EPHA6: variants seen among roughly 807,000 people sequenced by gnomAD.
The protein encoded by EPHA6 is ephrin type-A receptor 6.
A neutral mutation model predicts 112.0 loss-of-function variants in EPHA6; 50 were observed. The observed-to-expected ratio is 0.45, with a 90% confidence interval of 0.36 to 0.56. The LOEUF is 0.56. Ranked by LOEUF, EPHA6 falls within the 20% of genes least tolerant of loss-of-function variation. The pLI, the probability that EPHA6 is intolerant of heterozygous loss-of-function variation, is 0.00. For synonymous variants in EPHA6, 529 were observed against 490.7 expected (o/e 1.08, Z -1.03); for missense variants, 1,280 against 1,417.4 (o/e 0.90, Z 1.56).
chr3:97,541,368 A>T (rs1261588949), intron 11 of EPHA6, among the ~76,000 whole-genome samples: 1 of 152,186 alleles, frequency 6.6e-6, no homozygotes, highest in Non-Finnish European at 1.5e-5. Context: ...TTGCATAATC[A>T]TAAGATTATT....
intron 3 of EPHA6, among the ~76,000 whole-genome samples, chr3:97,125,777 A>G (rs2048166514): frequency 2.0e-5 from 3 of 152,228 alleles, no homozygotes; most frequent in African/African-American, 7.2e-5. Context: ...CAGGTTGCTG[A>G]CTAAATAGCC....
At chr3:97,438,412 G>A (rs1346488250) in intron 6 of EPHA6, among the ~76,000 whole-genome samples, 2 of 152,158 alleles carry the variant, frequency 1.3e-5, no homozygotes, top group Non-Finnish European at 2.9e-5. Context: ...CATTTAGGTT[G>A]TAGAAGCACT....
At chr3:96,850,898 A>G (rs1454610822) in intron 1 of EPHA6, among the ~76,000 whole-genome samples, 1 of 152,154 alleles carries the variant, frequency 6.6e-6, no homozygotes, top group Non-Finnish European at 1.5e-5. Flanking sequence ...TTACATAAAA[A>G]TATACATAAA....
At chr3:97,741,024 A>C (rs1267657701) in intron 16 of EPHA6, among the ~76,000 whole-genome samples, 3 of 152,110 alleles carry the variant, frequency 2.0e-5, no homozygotes, top group African/African-American at 7.2e-5. Context: ...AAGATGGATC[A>C]GGAGATTTGA....
intron 5 of EPHA6, among the ~76,000 whole-genome samples, chr3:97,371,085 AC>A (rs2085024544): frequency 2.1e-5 from 1 of 47,546 alleles, no homozygotes; most frequent in Admixed American, 3.0e-4. Context: ...AAGAAGATCC[AC>A]TTTTTTTTTT....
At chr3:96,825,480 C>T (rs192507307) in intron 1 of EPHA6, among the ~76,000 whole-genome samples, 19 of 151,884 alleles carry the variant, frequency 1.3e-4, no homozygotes, top group Admixed American at 9.9e-4. Context: ...CCTATAGTTA[C>T]TTGTCATCCC....
At chr3:97,719,179 T>G (rs141075282) in intron 14 of EPHA6, among the ~76,000 whole-genome samples, 2 of 147,498 alleles carry the variant, frequency 1.4e-5, no homozygotes, top group East Asian at 4.1e-4. Context: ...TTAAATTCCT[T>G]AAGGGCCAAA....
At chr3:97,586,995 C>T (rs1373123128) in intron 11 of EPHA6, among the ~76,000 whole-genome samples, 1 of 152,176 alleles carries the variant, frequency 6.6e-6, no homozygotes. Flanking sequence ...GCAATCCCAG[C>T]ACTTTGGAAA....
At position 97,664,598 on chromosome 3, in the gene EPHA6, A is replaced by C. The variant is rs374517051; in HGVS notation, c.2784+26516A>C. ...CATTGTCTCAGCCCAAAATCTCCTT[A>C]AGCTGATAAGCAACTTGAGCAAATT... On this transcript the variant is annotated intron_variant, in intron 14 of 17. Coordinates refer to ENST00000389672, the MANE Select transcript of EPHA6 (RefSeq NM_001080448.3). Among the ~76,000 whole-genome samples, 23 of 152,316 alleles carry C rather than the reference A, an allele frequency of 1.5e-4. No individual in the cohort carries two copies. In the South Asian group the frequency reaches 2.7e-3, roughly 18 times the overall value.
intron 11 of EPHA6, among the ~76,000 whole-genome samples, chr3:97,583,196 A>G (rs745571710): frequency 2.6e-5 from 4 of 151,940 alleles, no homozygotes; most frequent in Non-Finnish European, 4.4e-5. Context: ...CTGCTTAACA[A>G]CGCCTTAGCT....
intron 5 of EPHA6, among the ~76,000 whole-genome samples, chr3:97,366,995 T>C (rs1214322039): frequency 1.4e-4 from 21 of 152,244 alleles, no homozygotes. Flanking sequence ...GGAGGAGATA[T>C]TACCATCCTC....
intron 5 of EPHA6, among the ~76,000 whole-genome samples, chr3:97,379,404 ATCTT>A (rs1434539660): frequency 6.6e-6 from 1 of 151,778 alleles, no homozygotes; most frequent in Non-Finnish European, 1.5e-5. Flanking sequence ...ACCTCTGAAA[ATCTT>A]TTTTTTTTCT....
intron 2 of EPHA6, among the ~76,000 whole-genome samples, chr3:96,918,485 T>C (rs1301599505): frequency 2.0e-5 from 3 of 152,092 alleles, no homozygotes; most frequent in African/African-American, 7.2e-5. Context: ...TCCTTGACCA[T>C]TCAGTGATGG....
At chr3:96,879,168 G>A (rs2037154396) in intron 2 of EPHA6, among the ~76,000 whole-genome samples, 1 of 151,956 alleles carries the variant, frequency 6.6e-6, no homozygotes, top group South Asian at 2.1e-4. Flanking sequence ...AACTATGAAT[G>A]TTACTGTATT....
intron 2 of EPHA6, among the ~76,000 whole-genome samples, chr3:96,985,104 A>G (rs997003841): frequency 2.6e-5 from 4 of 152,102 alleles, no homozygotes; most frequent in African/African-American, 9.7e-5. Context: ...CCGGTACCTC[A>G]GTTGGAAATG....
chr3:97,596,201 G>A (rs2093589560), intron 12 of EPHA6, among the ~76,000 whole-genome samples: 3 of 152,046 alleles, frequency 2.0e-5, no homozygotes, highest in South Asian at 2.1e-4. Flanking sequence ...CACCGCGCCC[G>A]GCCATATCAG....
At chr3:97,468,381 C>T (rs1028195305) in intron 7 of EPHA6, among the ~76,000 whole-genome samples, 1 of 151,256 alleles carries the variant, frequency 6.6e-6, no homozygotes, top group South Asian at 2.1e-4. Flanking sequence ...ACTATATTTA[C>T]TTTTTTTCAA....
chr3:97,009,986 T>G, intron 3 of EPHA6: 2 of 394,430 alleles, frequency 5.1e-6, no homozygotes, highest in Non-Finnish European at 8.2e-6. Context: ...CTTATCATTG[T>G]TTTTTTTTTT....
Position 97,244,199 on chromosome 3 carries a change from C to T in EPHA6, c.1518C>T (p.Thr506=), listed in dbSNP as rs1366774853. The T allele has an allele frequency of 6.2e-7, 1 of 1,613,174 alleles. No individual in the cohort carries two copies. Residue 506 remains threonine, a synonymous_variant, in exon 5 of 18, where the codon ACC becomes ACT. Coordinates refer to ENST00000389672, the MANE Select transcript of EPHA6 (RefSeq NM_001080448.3). Reference sequence around the variant, plus strand: ...ACTTTGTGTCTCACGTGAATTACACCTTTGAAATAGAAGCAATGAATGGAG... The same window carrying T: ...ACTTTGTGTCTCACGTGAATTACACTTTTGAAATAGAAGCAATGAATGGAG... ...VLDFVSHVNY[T]FEIEAMNGVS...
Sources: allele counts gnomAD v4.1 joint callset (sites outside exome capture counted in the v4.1 genomes callset), GRCh38; gene constraint gnomAD v4.1.1; transcripts MANE v1.5; gene names NCBI Gene and HGNC (gene_info 2026-07-23, HGNC 2026-07-21).